Variants in DUSP19 observed in about 807,000 individuals in gnomAD.
The protein encoded by DUSP19 is dual specificity phosphatase 19.
A neutral mutation model predicts 16.6 loss-of-function variants in DUSP19; 14 were observed. The observed-to-expected ratio is 0.84, with a 90% confidence interval of 0.56 to 1.32. DUSP19 has a LOEUF of 1.32. Ranked by LOEUF, DUSP19 falls within the 40% of genes most tolerant of loss-of-function variation. DUSP19 has a pLI of 0.00. For missense variants in DUSP19, 258 were observed against 255.9 expected (o/e 1.01, Z -0.06); for synonymous variants, 81 against 90.5 (o/e 0.90, Z 0.59).
chr2:183,095,593 C>A lies in DUSP19; in HGVS notation c.589C>A (p.Leu197Ile). The A allele has an allele frequency of 6.2e-7, 1 of 1,613,906 alleles. No individual in the cohort carries two copies. The highest frequency in any genetic ancestry group is 8.5e-7 in the Non-Finnish European group (1 of 1,179,936). ...ICPNSGFMEQLRTYQEGKESN... is the reference protein window; with the variant it reads ...ICPNSGFMEQIRTYQEGKESN... The stretch of plus-strand genomic sequence containing the variant: ...TCCAAATTCTGGCTTCATGGAGCAG[C>A]TTCGTACATATCAAGAGGGCAAAGA... The change falls in exon 4 of 4, where the codon CTT becomes ATT. Residue 197 changes from leucine to isoleucine, a missense_variant. By Grantham distance (5) the Leu-to-Ile change is conservative (BLOSUM62 2). Transcript: ENST00000354221.
chr2:183,089,005 A>G (rs573548962), intron 3 of DUSP19, among the ~76,000 whole-genome samples: 9 of 152,348 alleles, frequency 5.9e-5, no homozygotes, highest in Admixed American at 5.9e-4. Flanking sequence ...AAGAGATTGA[A>G]TATTCTAATA....
At position 183,082,836 on chromosome 2, in the gene DUSP19, T is replaced by TCCTCCCTC. The variant is rs767449071; in HGVS notation, c.227-651_227-644dup. On this transcript the variant is annotated intron_variant, in intron 1 of 3. Coordinates refer to ENST00000354221, the MANE Select transcript of DUSP19 (RefSeq NM_080876.4). The stretch of plus-strand genomic sequence containing the variant: ...TTCGTTCGTTCGTTCGTTCCTTCCT[T>TCCTCCCTC]CCTCCCTCCCTCCCTCCCTCCCTCC... Among the ~76,000 whole-genome samples the TCCTCCCTC allele has an allele frequency of 3.5e-3, 504 of 144,448 alleles. 6 individuals are homozygous for TCCTCCCTC. The highest frequency in any genetic ancestry group is 0.012 in the African/African-American group (460 of 38,284). 94.8% of individuals were successfully genotyped at this position (144,448 alleles called of 152,430 possible). A position where few individuals can be genotyped will look rare whatever the true frequency, so the allele number is the denominator to read the frequency against.
chr2:183,086,992 C>T, intron 2 of DUSP19, 48 bp from the exon 3 acceptor site: 1 of 1,570,470 alleles, frequency 6.4e-7, no homozygotes, highest in Non-Finnish European at 8.6e-7. Flanking sequence ...TTTTAGGTAA[C>T]CTAATTCATG....
chr2:183,080,079 C>G (rs1699573525), intron 1 of DUSP19, among the ~76,000 whole-genome samples: 1 of 152,196 alleles, frequency 6.6e-6, no homozygotes, highest in Non-Finnish European at 1.5e-5. Context: ...CACAAGGTAA[C>G]ACACCTGGTA....
intron 2 of DUSP19, among the ~76,000 whole-genome samples, chr2:183,086,012 T>A (rs1188008263): frequency 2.0e-5 from 3 of 151,828 alleles, no homozygotes; most frequent in African/African-American, 7.3e-5. Context: ...TCTGCCTGGC[T>A]TTCTTCCACA....
chr2:183,088,939 G>T (rs1276949348), intron 3 of DUSP19, among the ~76,000 whole-genome samples: 2 of 152,160 alleles, frequency 1.3e-5, no homozygotes, highest in African/African-American at 4.8e-5. Flanking sequence ...CATTAGAAGA[G>T]ATGTAAATGT....
At chr2:183,086,898 G>A in intron 2 of DUSP19, 142 bp from the exon 3 acceptor site, 2 of 681,476 alleles carry the variant, frequency 2.9e-6, no homozygotes, top group Non-Finnish European at 4.8e-6. Context: ...CTTCTGGTGT[G>A]GGATTGAAGC....
At chr2:183,082,709 C>T (rs1699608014) in intron 1 of DUSP19, among the ~76,000 whole-genome samples, 1 of 152,048 alleles carries the variant, frequency 6.6e-6, no homozygotes, top group South Asian at 2.1e-4. Flanking sequence ...CAGACAGGAG[C>T]CACCACTCCT....
chr2:183,090,113 A>T (rs775037550), intron 3 of DUSP19, among the ~76,000 whole-genome samples: 3 of 151,956 alleles, frequency 2.0e-5, no homozygotes, highest in Non-Finnish European at 4.4e-5. Context: ...AAATTCTTGA[A>T]TTTTTTTCAT....
intron 3 of DUSP19, among the ~76,000 whole-genome samples, chr2:183,090,716 G>T: frequency 6.6e-6 from 1 of 151,678 alleles, no homozygotes; most frequent in African/African-American, 2.4e-5. Flanking sequence ...TTTTTTGGGA[G>T]GGCAACTTCA....
chr2:183,093,030 T>A (rs189726066), intron 3 of DUSP19, among the ~76,000 whole-genome samples: 1 of 152,190 alleles, frequency 6.6e-6, no homozygotes, highest in Non-Finnish European at 1.5e-5. Flanking sequence ...AAGTTAAATA[T>A]AAGGAAAAAC....
chr2:183,081,391 C>T (rs1368226851), intron 1 of DUSP19, among the ~76,000 whole-genome samples: 1 of 152,124 alleles, frequency 6.6e-6, no homozygotes, highest in Non-Finnish European at 1.5e-5. Flanking sequence ...AATACAGGTG[C>T]ACACCACCAT....
intron 3 of DUSP19, among the ~76,000 whole-genome samples, chr2:183,093,970 G>A (rs1350207510): frequency 6.6e-6 from 1 of 152,022 alleles, no homozygotes; most frequent in Non-Finnish European, 1.5e-5. Flanking sequence ...TTGTAAAAAT[G>A]GGCTATTGCT....
chr2:183,087,061 G>C lies in DUSP19; in HGVS notation c.295G>C (p.Ala99Pro). 1.2e-6 allele frequency: 2 copies of C among 1,611,584 alleles called. No homozygotes were observed. The highest frequency in any genetic ancestry group is 2.2e-5 in the South Asian group (2 of 90,712). The change falls in exon 3 of 4, where the codon GCA (alanine) becomes CCA (proline). Residue 99 changes from alanine to proline, a missense_variant. Coordinates refer to ENST00000354221, the MANE Select transcript of DUSP19 (RefSeq NM_080876.4). ...TAAGGTGACTCATATTCTTAATGTTGCATATGGAGTTGAAAATGCTTTCCT... is the reference window on the plus strand; with the variant it reads ...TAAGGTGACTCATATTCTTAATGTTCCATATGGAGTTGAAAATGCTTTCCT... ...KNKVTHILNV[A>P]YGVENAFLSD...
chr2:183,089,405 A>G (rs1699703676), intron 3 of DUSP19, among the ~76,000 whole-genome samples: 2 of 152,174 alleles, frequency 1.3e-5, no homozygotes, highest in African/African-American at 4.8e-5. Context: ...CCCATTGGTC[A>G]AAGTTTGCCA....
intron 1 of DUSP19, among the ~76,000 whole-genome samples, chr2:183,079,847 C>T (rs1005408874): frequency 6.6e-6 from 1 of 152,144 alleles, no homozygotes; most frequent in Admixed American, 6.5e-5. Flanking sequence ...TTTTCAAGTA[C>T]GTCTGAATTA....
intron 1 of DUSP19, among the ~76,000 whole-genome samples, chr2:183,080,820 C>G (rs1699583313): frequency 1.3e-5 from 2 of 152,190 alleles, no homozygotes; most frequent in African/African-American, 4.8e-5. Flanking sequence ...TCAGGAGCAA[C>G]CTCCTCCCTT....
chr2:183,092,133 T>G (rs1699740134), intron 3 of DUSP19, among the ~76,000 whole-genome samples: 2 of 152,178 alleles, frequency 1.3e-5, no homozygotes, highest in South Asian at 4.1e-4. Flanking sequence ...AACGCTGAAC[T>G]AAGGAGTATA....
intron 3 of DUSP19, among the ~76,000 whole-genome samples, chr2:183,089,894 C>T (rs1397944624): frequency 6.6e-6 from 1 of 152,218 alleles, no homozygotes; most frequent in Non-Finnish European, 1.5e-5. Context: ...CTGCTTCAGC[C>T]TTCCTAGTAG....
Sources: gnomAD v4.1 joint callset for allele counts (sites outside exome capture counted in the v4.1 genomes callset) on GRCh38, gnomAD v4.1.1 for gene constraint, MANE v1.5 for transcripts, NCBI Gene and HGNC (gene_info 2026-07-23, HGNC 2026-07-21) for gene names.